Variants in CSTPP1 observed in about 807,000 individuals in gnomAD.
CSTPP1 encodes the protein centriolar satellite-associated tubulin polyglutamylase complex regulator 1.
chr11:47,027,249 C>T, the CSTPP1 span, among the ~76,000 whole-genome samples: 1 of 152,158 alleles, frequency 6.6e-6, no homozygotes, highest in African/African-American at 2.4e-5. Flanking sequence ...TTAGGGATGG[C>T]ACCTGCGAGT....
chr11:47,003,976 G>A, the CSTPP1 span, among the ~76,000 whole-genome samples: 1 of 152,022 alleles, frequency 6.6e-6, no homozygotes, highest in Admixed American at 6.6e-5. Context: ...CAAGATGTCT[G>A]GCTATATATA....
chr11:47,139,333 G>A, the CSTPP1 span, among the ~76,000 whole-genome samples: 3 of 152,128 alleles, frequency 2.0e-5, no homozygotes, highest in Non-Finnish European at 4.4e-5. Context: ...AGGAGGCAAG[G>A]GTTGGCAGTG....
chr11:46,943,413 CAACTCCCA>C, the CSTPP1 span, among the ~76,000 whole-genome samples: 1 of 152,204 alleles, frequency 6.6e-6, no homozygotes, highest in Non-Finnish European at 1.5e-5. Flanking sequence ...ATACTTTGAG[CAACTCCCA>C]AAGTGGGGCT....
the CSTPP1 span, chr11:47,162,202 C>T: frequency 3.0e-6 from 3 of 985,368 alleles, no homozygotes; most frequent in African/African-American, 3.5e-5. Context: ...TGTCTAATAG[C>T]TAAACAAACA....
At chr11:47,029,663 G>A in the CSTPP1 span, among the ~76,000 whole-genome samples, 1 of 151,462 alleles carries the variant, frequency 6.6e-6, no homozygotes, top group South Asian at 2.1e-4. Flanking sequence ...AAGATGTTTT[G>A]GATCTTTGGT....
chr11:47,132,282 C>T, the CSTPP1 span, among the ~76,000 whole-genome samples: 8 of 152,298 alleles, frequency 5.3e-5, no homozygotes, highest in Admixed American at 3.9e-4. Context: ...ATTTGGGTCA[C>T]TGTGTGAGGC....
At chr11:47,120,142 C>A in the CSTPP1 span, among the ~76,000 whole-genome samples, 3 of 152,284 alleles carry the variant, frequency 2.0e-5, no homozygotes, top group Admixed American at 6.5e-5. This position sits in a 1 kb window ranked among gnomAD's most constrained non-coding sequence, Gnocchi z 4.2. Context: ...GATTTTGCTT[C>A]TGTGGGTTTA....
At chr11:47,015,239 C>G in the CSTPP1 span, among the ~76,000 whole-genome samples, 106 of 152,014 alleles carry the variant, frequency 7.0e-4, no homozygotes, top group African/African-American at 2.4e-3. Context: ...CAATCCAAGG[C>G]AGGGGGATCG....
At chr11:46,956,085 G>A in the CSTPP1 span, among the ~76,000 whole-genome samples, 1 of 151,562 alleles carries the variant, frequency 6.6e-6, no homozygotes, top group African/African-American at 2.4e-5. Flanking sequence ...CAGGATTTTT[G>A]CATACATCAT....
the CSTPP1 span, among the ~76,000 whole-genome samples, chr11:46,980,092 A>C: frequency 1.3e-5 from 2 of 152,088 alleles, no homozygotes; most frequent in Non-Finnish European, 2.9e-5. Context: ...AAACAAAAAA[A>C]CCCACCAGTT....
the CSTPP1 span, among the ~76,000 whole-genome samples, chr11:46,948,878 C>G: frequency 6.6e-6 from 1 of 152,268 alleles, no homozygotes; most frequent in African/African-American, 2.4e-5. Flanking sequence ...ATAGAGAAAA[C>G]TAGAAGCTCC....
At chr11:47,084,718 A>T in the CSTPP1 span, among the ~76,000 whole-genome samples, 1 of 152,214 alleles carries the variant, frequency 6.6e-6, no homozygotes, top group African/African-American at 2.4e-5. Flanking sequence ...TAATATGTGC[A>T]TATCTATCTC....
At chr11:47,086,070 T>TA in the CSTPP1 span, among the ~76,000 whole-genome samples, 1 of 151,512 alleles carries the variant, frequency 6.6e-6, no homozygotes, top group South Asian at 2.1e-4. Context: ...TCTTAGGTAA[T>TA]ATTCTTAAAC....
the CSTPP1 span, among the ~76,000 whole-genome samples, chr11:47,009,831 A>AT: frequency 6.6e-6 from 1 of 152,052 alleles, no homozygotes; most frequent in Non-Finnish European, 1.5e-5. Context: ...GAAAAAAAAA[A>AT]GGAAGAGGAA....
chr11:47,051,114 C>A, the CSTPP1 span, among the ~76,000 whole-genome samples: 266 of 152,206 alleles, frequency 1.7e-3, 2 homozygotes, highest in African/African-American at 6.0e-3. Context: ...TTTTTCCCCC[C>A]CTTTATATGG....
At chr11:46,976,278 TA>T in the CSTPP1 span, among the ~76,000 whole-genome samples, 1 of 152,142 alleles carries the variant, frequency 6.6e-6, no homozygotes, top group African/African-American at 2.4e-5. Flanking sequence ...CACTTGCTCT[TA>T]AAAATGAATA....
At chr11:47,054,310 C>CAAAA in the CSTPP1 span, among the ~76,000 whole-genome samples, 6 of 41,550 alleles carry the variant, frequency 1.4e-4, no homozygotes, top group East Asian at 7.6e-4. Flanking sequence ...TACTCCGTCT[C>CAAAA]AAAAAAAAAA....
chr11:47,045,879 C>T, the CSTPP1 span, among the ~76,000 whole-genome samples: 1 of 152,112 alleles, frequency 6.6e-6, no homozygotes, highest in South Asian at 2.1e-4. Context: ...CTCCGTCCCC[C>T]GGGTTTAAGC....
At chr11:47,137,569 C>T in the CSTPP1 span, 4 of 1,609,000 alleles carry the variant, frequency 2.5e-6, no homozygotes, top group Non-Finnish European at 1.7e-6. Context: ...AGGTCTGAAA[C>T]TCATGAAATG....
Sources: allele counts gnomAD v4.1 joint callset (sites outside exome capture counted in the v4.1 genomes callset), GRCh38; gene constraint gnomAD v4.1.1; non-coding constraint Gnocchi (gnomAD v3.1); transcripts MANE v1.5; gene names NCBI Gene and HGNC (gene_info 2026-07-23, HGNC 2026-07-21).